The following TET2 variants were observed in gnomAD, a reference collection of about 807,000 sequenced individuals.
TET2 encodes the protein methylcytosine dioxygenase TET2.
A neutral mutation model predicts 142.9 loss-of-function variants in TET2; 299 were observed. The ratio of observed to expected loss-of-function variants is 2.09; its 90% confidence interval spans 1.90 to 2.30. The LOEUF (loss-of-function observed/expected upper bound fraction) is 2.30. Among genes scored for constraint, TET2 ranks in the 30% most tolerant of loss-of-function variants. The pLI, the probability that TET2 is intolerant of heterozygous loss-of-function variation, is 0.00. For missense variants in TET2, 2,418 were observed against 2,378.0 expected, an observed-to-expected ratio of 1.02 and a Z score of -0.35; for synonymous variants, 819 against 849.0, an observed-to-expected ratio of 0.96 and a Z score of 0.61.
chr4:105,236,488 C>T lies in TET2; in HGVS notation c.2546C>T (p.Thr849Ile), dbSNP rs773893492. The T allele has an allele frequency of 5.6e-6, 9 of 1,614,012 alleles. No homozygotes were observed. The highest frequency in any genetic ancestry group is 7.6e-6 in the Non-Finnish European group (9 of 1,180,012). The change falls in exon 3 of 11, where the codon ACA (threonine) becomes ATA (isoleucine). Residue 849 changes from threonine (T) to isoleucine (I), a missense_variant. Thr to Ile is a moderately conservative substitution (Grantham distance 89, BLOSUM62 -1). Transcript: ENST00000380013. The stretch of plus-strand genomic sequence containing the variant: ...GTTTCAGAGAATAAAGAACAGACTA[C>T]ACATCCTGAACTTTTTGCAGGAAAC... ...HLVSENKEQT[T>I]HPELFAGNKT...
chr4:105,274,267 C>T (rs377090121), intron 10 of TET2, among the ~76,000 whole-genome samples: 2 of 152,144 alleles, frequency 1.3e-5, no homozygotes, highest in Admixed American at 6.5e-5. Context: ...ACTCATATGA[C>T]TTTTTAAAGT....
rs1181575706 is a variant in TET2 at position 105,279,195 on chromosome 4, G to A, written c.*2676G>A. The A allele has an allele frequency of 4.3e-6, 1 of 232,226 alleles. No individual in the cohort carries two copies. Among genetic ancestry groups the A allele is most frequent in the Non-Finnish European group, 8.5e-6 (1 of 117,544 alleles). The allele number at this position is 232,226 out of a possible 1,614,324, so 14.4% of individuals were successfully genotyped here. A position where few individuals can be genotyped will look rare whatever the true frequency, so the allele number is the denominator to read the frequency against. On this transcript the variant is annotated 3_prime_UTR_variant, in exon 11 of 11. Coordinates refer to ENST00000380013, the MANE Select transcript of TET2 (RefSeq NM_001127208.3). ...AACATTTGATTACTACATGTGCATTGGTGATTTTGATCATCCATTCTTAAT... is the reference window on the plus strand; with the variant it reads ...AACATTTGATTACTACATGTGCATTAGTGATTTTGATCATCCATTCTTAAT...
At position 105,272,633 on chromosome 4, in the gene TET2, C is replaced by T. The variant is rs1441244006; in HGVS notation, c.4252C>T (p.Leu1418=). 1.3e-6 allele frequency: 2 copies of T among 1,551,294 alleles called. No homozygotes were observed. Among genetic ancestry groups the T allele is most frequent in the South Asian group, 1.2e-5 (1 of 83,924 alleles). Residue 1418 remains leucine, a synonymous_variant, in exon 10 of 11, where the codon CTG becomes TTG. Transcript: ENST00000380013. ...GKPEDEQLHV[L]PLYKVSDVDE... is the part of the protein sequence containing the mutation. ...ACCTGAGGATGAGCAGCTTCACGTT[C>T]TGCCTTTATACAAAGTCTCTGACGT...
intron 1 of TET2, among the ~76,000 whole-genome samples, chr4:105,176,118 A>C (rs1724777518): frequency 6.6e-6 from 1 of 152,178 alleles, no homozygotes; most frequent in South Asian, 2.1e-4. Context: ...ACATAAGGAA[A>C]ATAAAATTAG....
chr4:105,249,154 G>A (rs566789525), intron 6 of TET2, among the ~76,000 whole-genome samples: 31 of 151,926 alleles, frequency 2.0e-4, no homozygotes, highest in African/African-American at 7.0e-4. Context: ...CAGCCCCCAA[G>A]TAGTTGGGAT....
intron 3 of TET2, chr4:105,241,096 A>T: frequency 9.1e-7 from 1 of 1,103,622 alleles, no homozygotes; most frequent in Non-Finnish European, 1.1e-6. Flanking sequence ...GTTTAAAATA[A>T]TTTTTTATCC....
chr4:105,277,381 A>G lies in TET2; in HGVS notation c.*862A>G. The stretch of plus-strand genomic sequence containing the variant: ...CACAAACATGTATATGTGCACACAC[A>G]TGTATATGTATAAATATTTTAAATG... On this transcript the variant is annotated 3_prime_UTR_variant, in exon 11 of 11. Transcript: ENST00000380013. 4.5e-6 allele frequency: 1 copy of G among 222,646 alleles called. No homozygotes were observed. Among genetic ancestry groups the G allele is most frequent in the Non-Finnish European group, 9.0e-6 (1 of 111,130 alleles). 13.8% of individuals were successfully genotyped at this position (222,646 alleles called of 1,614,324 possible).
chr4:105,241,616 A>G, intron 4 of TET2, 187 bp downstream of exon 4: 9 of 1,320,520 alleles, frequency 6.8e-6, no homozygotes, highest in Non-Finnish European at 8.7e-6. Flanking sequence ...ATTTGACAGG[A>G]CTAATAGTCT....
chr4:105,199,274 T>A (rs1158047390), intron 2 of TET2, among the ~76,000 whole-genome samples: 2 of 152,232 alleles, frequency 1.3e-5, no homozygotes, highest in Non-Finnish European at 2.9e-5. Flanking sequence ...CATCTATTAA[T>A]ACAGTCTCAA....
At chr4:105,206,838 T>C (rs907982934) in intron 2 of TET2, among the ~76,000 whole-genome samples, 2 of 152,174 alleles carry the variant, frequency 1.3e-5, no homozygotes, top group African/African-American at 2.4e-5. Context: ...TTCATGAACA[T>C]GATGGAAATA....
intron 2 of TET2, among the ~76,000 whole-genome samples, chr4:105,204,258 CACACACACACATACAT>C (rs1205817626): frequency 0.015 from 2,280 of 147,548 alleles, 59 homozygotes; most frequent in African/African-American, 0.055. Flanking sequence ...CACACACACA[CACACACACACATACAT>C]ACATACATTA....
At chr4:105,211,979 A>C (rs1727191162) in intron 2 of TET2, among the ~76,000 whole-genome samples, 1 of 152,210 alleles carries the variant, frequency 6.6e-6, no homozygotes, top group South Asian at 2.1e-4. Context: ...CCTTATGGCC[A>C]CCTCATATTC....
chr4:105,188,880 G>A (rs1482840632), intron 1 of TET2, among the ~76,000 whole-genome samples: 1 of 152,100 alleles, frequency 6.6e-6, no homozygotes, highest in East Asian at 1.9e-4. Flanking sequence ...CTCCTAATGG[G>A]TACTGGGTTT....
chr4:105,222,617 C>T (rs1578648160), intron 2 of TET2, among the ~76,000 whole-genome samples: 2 of 151,948 alleles, frequency 1.3e-5, no homozygotes, highest in Admixed American at 1.3e-4. Flanking sequence ...GGATATTAGC[C>T]CTTTGTCAGA....
rs759106664 is a variant in TET2 at position 105,235,254 on chromosome 4, C to T, written c.1312C>T (p.Pro438Ser). ...AGTTTTAGAAGAACACCACCACTAC[C>T]CCAACCAAAGTAACACAACACTTTT... is the stretch of plus-strand genomic sequence containing the variant. ...GGVLEEHHHY[P>S]NQSNTTLLRE... Residue 438 changes from proline to serine, a missense_variant, in exon 3 of 11, where the codon CCC becomes TCC. By Grantham distance (74) the Pro-to-Ser change is moderately conservative. Coordinates refer to ENST00000380013, the MANE Select transcript of TET2 (RefSeq NM_001127208.3). 14 of 1,613,892 alleles carry T rather than the reference C, an allele frequency of 8.7e-6. No homozygotes were observed. In the Admixed American group the frequency reaches 2.2e-4, roughly 25 times the overall value.
At position 105,242,853 on chromosome 4, in the gene TET2, GC is replaced by G; in HGVS notation, c.3521del (p.Ala1174ValfsTer52). 1 of 1,551,310 alleles carries G rather than the reference GC, an allele frequency of 6.4e-7. No individual in the cohort carries two copies. Among genetic ancestry groups the G allele is most frequent in the Non-Finnish European group, 8.7e-7 (1 of 1,146,814 alleles). On this transcript the variant is annotated frameshift_variant, in exon 5 of 11. Transcript: ENST00000380013. LOFTEE classifies it high-confidence loss of function. The part of the protein sequence containing the change: ...MEERFGQKGK[A>X]IRIERVIYTG... ...TTTAAGGTTTGGACAGAAGGGTAAAGCTATTAGGATTGAAAGAGTCATCTAT... is the reference window on the plus strand; with the variant it reads ...TTTAAGGTTTGGACAGAAGGGTAAAGTATTAGGATTGAAAGAGTCATCTAT...
chr4:105,170,212 A>G (rs922038285), intron 1 of TET2, among the ~76,000 whole-genome samples: 9 of 152,198 alleles, frequency 5.9e-5, no homozygotes, highest in African/African-American at 2.2e-4. Context: ...TTTCTCCAGT[A>G]GATGTGAGTT....
intron 6 of TET2, among the ~76,000 whole-genome samples, chr4:105,246,791 C>T (rs1729603986): frequency 6.6e-6 from 1 of 152,170 alleles, no homozygotes; most frequent in Non-Finnish European, 1.5e-5. Context: ...TCTTACAAAT[C>T]CCTGTGTCCA....
intron 2 of TET2, among the ~76,000 whole-genome samples, chr4:105,220,492 C>T (rs936478736): frequency 6.6e-6 from 1 of 152,110 alleles, no homozygotes; most frequent in Non-Finnish European, 1.5e-5. Flanking sequence ...AACACTGGCT[C>T]CAACCCTTGG....
Sources: gnomAD v4.1 joint callset for allele counts (sites outside exome capture counted in the v4.1 genomes callset) on GRCh38, gnomAD v4.1.1 for gene constraint, MANE v1.5 for transcripts, NCBI Gene and HGNC (gene_info 2026-07-23, HGNC 2026-07-21) for gene names.